CHTF8: variants seen among roughly 807,000 people sequenced by gnomAD.
The protein encoded by CHTF8 is chromosome transmission fidelity factor 8.
A neutral mutation model predicts 11.0 loss-of-function variants in CHTF8; 6 were observed. The ratio of observed to expected loss-of-function variants is 0.55; its 90% CI spans 0.30 to 1.08. The LOEUF (loss-of-function observed/expected upper bound fraction) is 1.08. Among genes scored for constraint, CHTF8 ranks in the 50% least tolerant of loss-of-function variants. CHTF8 has a pLI of 0.07. For synonymous variants in CHTF8, 53 were observed against 60.5 expected (o/e 0.88, Z 0.57); for missense variants, 140 against 153.1 (o/e 0.91, Z 0.45).
In CHTF8 at chr16:69,118,220, G is replaced by A; in HGVS notation, c.*2205C>T. On this transcript the variant is annotated 3_prime_UTR_variant, in exon 4 of 4. Transcript: ENST00000448552. ...AGTACCAGTGAAGAGGGAGTTGGATGAGTAGAGGGGCCTTAAATCTGGCCA... is the reference window on the plus strand; with the variant it reads ...AGTACCAGTGAAGAGGGAGTTGGATAAGTAGAGGGGCCTTAAATCTGGCCA... 1.8e-6 allele frequency: 1 copy of A among 554,922 alleles called. No homozygotes were observed. The allele number at this position is 554,922 out of a possible 1,614,324, so 34.4% of individuals were successfully genotyped here. A position where few individuals can be genotyped will look rare whatever the true frequency, so the allele number is the denominator to read the frequency against.
rs545723016 is a variant in CHTF8 at position 69,120,669 on chromosome 16, A to G, written c.142-20T>C. ...GATTCCCTTTGGCAGAACAAGAACGAGATTCCTGAGGTTCCGGGGCAAGGC... is the reference window on the plus strand; with the variant it reads ...GATTCCCTTTGGCAGAACAAGAACGGGATTCCTGAGGTTCCGGGGCAAGGC... On this transcript the variant is annotated intron_variant, in intron 3 of 3. Transcript: ENST00000448552. This position sits in a 1 kb window ranked among gnomAD's most constrained non-coding sequence, Gnocchi z 4.0. The G allele has an allele frequency of 6.3e-7, 1 of 1,596,592 alleles. No individual in the cohort carries two copies. The highest frequency in any genetic ancestry group is 1.1e-5 in the South Asian group (1 of 90,284).
intron 1 of CHTF8, among the ~76,000 whole-genome samples, chr16:69,125,556 A>G (rs188670207): frequency 3.9e-5 from 6 of 152,358 alleles, no homozygotes; most frequent in African/African-American, 1.4e-4. Context: ...AGTATATGCA[A>G]TAGCTGGTCA....
chr16:69,118,302 T>A lies in CHTF8; in HGVS notation c.*2123A>T, dbSNP rs2152263468. ...CCCAGTCAGTCAAGCAGAAACTGCA[T>A]TCGGTGGGTCTTTCTTTGAAGTGGT... On this transcript the variant is annotated 3_prime_UTR_variant, in exon 4 of 4. Transcript: ENST00000448552. 1 of 1,146,212 alleles carries A rather than the reference T, an allele frequency of 8.7e-7. No individual in the cohort carries two copies. Among genetic ancestry groups the A allele is most frequent in the East Asian group, 2.3e-5 (1 of 42,668 alleles). 71.0% of individuals were successfully genotyped at this position (1,146,212 alleles called of 1,614,324 possible).
At position 69,119,189 on chromosome 16, in the gene CHTF8, G is replaced by C. The variant is rs1567586207; in HGVS notation, c.*1236C>G. On this transcript the variant is annotated 3_prime_UTR_variant, in exon 4 of 4. Coordinates refer to ENST00000448552, the MANE Select transcript of CHTF8 (RefSeq NM_001039690.5). The stretch of plus-strand genomic sequence containing the variant: ...GGACCCTGCAGGCCAGTGGCCCTTG[G>C]GAAGTTAGCTGGGTTGGGGCCAAGT... The C allele has an allele frequency of 1.4e-6, 1 of 703,066 alleles. No individual in the cohort carries two copies. Among genetic ancestry groups the C allele is most frequent in the Non-Finnish European group, 2.6e-6 (1 of 385,028 alleles). The allele number at this position is 703,066 out of a possible 1,614,324, so 43.6% of individuals were successfully genotyped here. A position where few individuals can be genotyped will look rare whatever the true frequency, so the allele number is the denominator to read the frequency against.
Position 69,118,563 on chromosome 16 carries a change from TAAGA to T in CHTF8, c.*1858_*1861del. ...CCACAAGAACAATTCAAGAAACTAGTAAGAAACAATGGGCAGAAAGCTGTGGGAC... is the reference window on the plus strand; with the variant it reads ...CCACAAGAACAATTCAAGAAACTAGTAACAATGGGCAGAAAGCTGTGGGAC... On this transcript the variant is annotated 3_prime_UTR_variant, in exon 4 of 4. Transcript: ENST00000448552. 1.3e-6 allele frequency: 1 copy of T among 779,752 alleles called. No homozygotes were observed. The highest frequency in any genetic ancestry group is 2.3e-6 in the Non-Finnish European group (1 of 437,236). The allele number at this position is 779,752 out of a possible 1,614,324, so 48.3% of individuals were successfully genotyped here. A position where few individuals can be genotyped will look rare whatever the true frequency, so the allele number is the denominator to read the frequency against.
At chr16:69,130,735 T>C (rs936231102) in intron 1 of CHTF8, among the ~76,000 whole-genome samples, 3 of 152,222 alleles carry the variant, frequency 2.0e-5, no homozygotes, top group African/African-American at 7.2e-5. Flanking sequence ...AAGGTGGCAT[T>C]TTCTTAGTAT....
At position 69,121,535 on chromosome 16, in the gene CHTF8, A is replaced by T. The variant is rs185007844; in HGVS notation, c.-35-42T>A. On this transcript the variant is annotated intron_variant, in intron 1 of 3. Coordinates refer to ENST00000448552, the MANE Select transcript of CHTF8 (RefSeq NM_001039690.5). ...AGAGATTTAGGGTAATAACAACAAC[A>T]ACTAATAATGACACCTAATGCAACC... 118 of 1,269,420 alleles carry T rather than the reference A, an allele frequency of 9.3e-5. No homozygotes were observed. In the African/African-American group the frequency reaches 1.6e-3, roughly 17 times the overall value. The allele number at this position is 1,269,420 out of a possible 1,614,324, so 78.6% of individuals were successfully genotyped here.
Position 69,120,522 on chromosome 16 carries a change from G to A in CHTF8, c.269C>T (p.Thr90Ile), listed in dbSNP as rs762253492. Residue 90 changes from threonine (T) to isoleucine (I), a missense_variant, in exon 4 of 4, where the codon ACT (threonine) becomes ATT (isoleucine). Thr to Ile is a moderately conservative substitution (Grantham distance 89, BLOSUM62 -1). Coordinates refer to ENST00000448552, the MANE Select transcript of CHTF8 (RefSeq NM_001039690.5). The surrounding 1 kb of genome is among the most constrained non-coding windows in gnomAD (Gnocchi z 4.0). ...DQDCDELGRE[T>I]GTRYLVTALI... ...TGCTGTCACCAGGTACCGGGTGCCA[G>A]TCTCGCGGCCAAGCTCATCACAGTC... 1 of 1,614,186 alleles carries A rather than the reference G, an allele frequency of 6.2e-7. No homozygotes were observed. Among genetic ancestry groups the A allele is most frequent in the South Asian group, 1.1e-5 (1 of 91,082 alleles).
chr16:69,119,613 G>A lies in CHTF8; in HGVS notation c.*812C>T, dbSNP rs897580753. The A allele has an allele frequency of 3.5e-5, 24 of 695,016 alleles. No individual in the cohort carries two copies. Among genetic ancestry groups the A allele is most frequent in the Non-Finnish European group, 5.0e-5 (19 of 380,436 alleles). The allele number at this position is 695,016 out of a possible 1,614,324, so 43.1% of individuals were successfully genotyped here. On this transcript the variant is annotated 3_prime_UTR_variant, in exon 4 of 4. Transcript: ENST00000448552. ...CTCTTAGAATGGGGGCAAGATCGAG[G>A]CCTTGAGGTCCAGCCATTCTTAAGT...
chr16:69,129,152 C>T (rs898938818), intron 1 of CHTF8, among the ~76,000 whole-genome samples: 5 of 151,810 alleles, frequency 3.3e-5, no homozygotes, highest in Admixed American at 1.3e-4. Context: ...AGGCAGAGGC[C>T]GGGTGCGGTG....
chr16:69,119,140 G>A lies in CHTF8; in HGVS notation c.*1285C>T, dbSNP rs757851618. The A allele has an allele frequency of 1.4e-6, 1 of 703,034 alleles. No individual in the cohort carries two copies. Among genetic ancestry groups the A allele is most frequent in the South Asian group, 1.5e-5 (1 of 67,534 alleles). 43.5% of individuals were successfully genotyped at this position (703,034 alleles called of 1,614,324 possible). ...TTGACCAGGGCCTAATGGGCCAGTA[G>A]ACCTTGGGAAGGTAGTTGGACTTGG... On this transcript the variant is annotated 3_prime_UTR_variant, in exon 4 of 4. Transcript: ENST00000448552.
intron 1 of CHTF8, among the ~76,000 whole-genome samples, chr16:69,130,426 T>G (rs1191436243): frequency 6.6e-6 from 1 of 152,214 alleles, no homozygotes; most frequent in African/African-American, 2.4e-5. Context: ...ATTTTCTATT[T>G]TTTGCTAGGC....
In CHTF8 at chr16:69,121,446, C is replaced by T; in HGVS notation, c.13G>A (p.Val5Ile). 1.2e-6 allele frequency: 2 copies of T among 1,606,532 alleles called. No homozygotes were observed. Among genetic ancestry groups the T allele is most frequent in the Non-Finnish European group, 1.7e-6 (2 of 1,178,020 alleles). Reference sequence around the variant, plus strand: ...TCAAAATGTACTTACCTGGAAATAACAATTTGCACCATGAGCTTTCTGTCT... The same window carrying T: ...TCAAAATGTACTTACCTGGAAATAATAATTTGCACCATGAGCTTTCTGTCT... Reference protein sequence around the residue: MVQIVISSARAGGLA... With the variant: MVQIIISSARAGGLA... Residue 5 changes from valine (V) to isoleucine (I), a missense_variant, in exon 2 of 4, where the codon GTT becomes ATT. By Grantham distance (29) the Val-to-Ile change is conservative (BLOSUM62 3). Transcript: ENST00000448552.
At chr16:69,129,291 G>A (rs1443514322) in intron 1 of CHTF8, among the ~76,000 whole-genome samples, 4 of 151,272 alleles carry the variant, frequency 2.6e-5, no homozygotes, top group African/African-American at 7.3e-5. Context: ...TTAGCCGGGC[G>A]TGGTGGCAGG....
chr16:69,125,047 G>A (rs901807980), intron 1 of CHTF8, among the ~76,000 whole-genome samples: 33 of 152,056 alleles, frequency 2.2e-4, no homozygotes, highest in African/African-American at 7.7e-4. Context: ...TAGGATTATA[G>A]GCATGTGCCA....
Position 69,120,083 on chromosome 16 carries a change from C to G in CHTF8, c.*342G>C, listed in dbSNP as rs1369251175. On this transcript the variant is annotated 3_prime_UTR_variant, in exon 4 of 4. Transcript: ENST00000448552. The surrounding 1 kb of genome is among the most constrained non-coding windows in gnomAD (Gnocchi z 4.0). ...CCTGGGCCTGGCCCCAAGAGGCCACCAGGCCTTGGGAAAGAAACTGCACCT... is the reference window on the plus strand; with the variant it reads ...CCTGGGCCTGGCCCCAAGAGGCCACGAGGCCTTGGGAAAGAAACTGCACCT... 4.3e-6 allele frequency: 3 copies of G among 694,766 alleles called. No individual in the cohort carries two copies. The highest frequency in any genetic ancestry group is 7.9e-6 in the Non-Finnish European group (3 of 382,052). The allele number at this position is 694,766 out of a possible 1,614,324, so 43.0% of individuals were successfully genotyped here. A position where few individuals can be genotyped will look rare whatever the true frequency, so the allele number is the denominator to read the frequency against.
In CHTF8 at chr16:69,118,394, C is replaced by T; in HGVS notation, c.*2031G>A. On this transcript the variant is annotated 3_prime_UTR_variant, in exon 4 of 4. Coordinates refer to ENST00000448552, the MANE Select transcript of CHTF8 (RefSeq NM_001039690.5). ...TATGGCAGTAGAGGATGACCAGGTC[C>T]AAGCTGCCCAGGTCAGAGCTACGGA... 6.2e-7 allele frequency: 1 copy of T among 1,612,986 alleles called. No homozygotes were observed. Among genetic ancestry groups the T allele is most frequent in the African/African-American group, 1.3e-5 (1 of 74,992 alleles).
At chr16:69,129,819 T>C (rs944521915) in intron 1 of CHTF8, among the ~76,000 whole-genome samples, 1 of 152,220 alleles carries the variant, frequency 6.6e-6, no homozygotes, top group Non-Finnish European at 1.5e-5. Context: ...CAAAGTAACC[T>C]ATGGAAAGAC....
In CHTF8 at chr16:69,119,231, G is replaced by A; in HGVS notation, c.*1194C>T. The A allele has an allele frequency of 1.4e-6, 1 of 703,018 alleles. No homozygotes were observed. Among genetic ancestry groups the A allele is most frequent in the South Asian group, 1.5e-5 (1 of 67,582 alleles). The allele number at this position is 703,018 out of a possible 1,614,324, so 43.5% of individuals were successfully genotyped here. The stretch of plus-strand genomic sequence containing the variant: ...GGGCCAAGTGGCCCAGAGGCTCTTG[G>A]GAAAATGGTTGGATTTGAGCCCTGG... On this transcript the variant is annotated 3_prime_UTR_variant, in exon 4 of 4. Coordinates refer to ENST00000448552, the MANE Select transcript of CHTF8 (RefSeq NM_001039690.5).
Sources: allele counts gnomAD v4.1 joint callset (sites outside exome capture counted in the v4.1 genomes callset), GRCh38; gene constraint gnomAD v4.1.1; non-coding constraint Gnocchi (gnomAD v3.1); transcripts MANE v1.5; gene names NCBI Gene and HGNC (gene_info 2026-07-23, HGNC 2026-07-21).